The following LPP variants were observed in gnomAD, a reference collection of about 807,000 sequenced individuals.
LPP encodes lipoma-preferred partner.
A neutral mutation model predicts 60.4 loss-of-function variants in LPP; 38 were observed. The observed-to-expected ratio is 0.63, with a 90% CI of 0.49 to 0.83. LPP has a LOEUF of 0.83. LPP is among the 40% of genes least tolerant of loss of function. The pLI is 0.00. For missense variants in LPP, 902 were observed against 783.6 expected (o/e 1.15, Z -1.80); for synonymous variants, 328 against 290.8 (o/e 1.13, Z -1.30).
chr3:188,778,193 C>G (rs1344577954), intron 9 of LPP, among the ~76,000 whole-genome samples: 1 of 152,108 alleles, frequency 6.6e-6, no homozygotes, highest in Non-Finnish European at 1.5e-5. Flanking sequence ...CCCATGTTTT[C>G]AAAATAATGG....
At position 188,889,328 on chromosome 3, in the gene LPP, A is replaced by T. The variant is rs1771010266; in HGVS notation, c.*14849A>T. On this transcript the variant is annotated 3_prime_UTR_variant, in exon 12 of 12. Coordinates refer to ENST00000617246, the MANE Select transcript of LPP (RefSeq NM_001375462.1). ...CAGAGGTGGCAATAGGAGAGGGTCC[A>T]TGTAAATAGGACGAGGTAGACAGTG... is the stretch of plus-strand genomic sequence containing the variant. 1 of 231,840 alleles carries T rather than the reference A, an allele frequency of 4.3e-6. No homozygotes were observed. The highest frequency in any genetic ancestry group is 2.2e-5 in the African/African-American group (1 of 45,284). 14.4% of individuals were successfully genotyped at this position (231,840 alleles called of 1,614,324 possible).
At chr3:188,771,218 A>G (rs1244878994) in intron 9 of LPP, among the ~76,000 whole-genome samples, 1 of 152,108 alleles carries the variant, frequency 6.6e-6, no homozygotes. Flanking sequence ...TCATAAAAGG[A>G]ATGAATTCAT....
At position 188,811,393 on chromosome 3, in the gene LPP, C is replaced by T. The variant is rs6790849; in HGVS notation, c.1410+51111C>T. ...ACACACACACACACACACGCACACA[C>T]GCTCAAAGAGTAGGGAGAGAAAAAT... is the stretch of plus-strand genomic sequence containing the variant. On this transcript the variant is annotated intron_variant, in intron 9 of 11. Coordinates refer to ENST00000617246, the MANE Select transcript of LPP (RefSeq NM_001375462.1). Among the ~76,000 whole-genome samples the T allele has an allele frequency of 7.2e-3, 1,086 of 151,650 alleles. 11 individuals carry two copies. The highest frequency in any genetic ancestry group is 0.023 in the African/African-American group (929 of 41,286).
intron 5 of LPP, among the ~76,000 whole-genome samples, chr3:188,493,137 G>A (rs1362483716): frequency 6.6e-6 from 1 of 152,004 alleles, no homozygotes; most frequent in Non-Finnish European, 1.5e-5. Flanking sequence ...CTGAGTCTTT[G>A]TATATCTAAA....
chr3:188,269,643 T>TTGTGTGTGTGTGTGTG (rs67333120), intron 2 of LPP, among the ~76,000 whole-genome samples: 1 of 134,376 alleles, frequency 7.4e-6, no homozygotes, highest in African/African-American at 3.2e-5. Flanking sequence ...GCCTTTTTTT[T>TTGTGTGTGTGTGTGTG]TATGTGTGTG....
At chr3:188,169,789 G>C (rs16863064) in intron 1 of LPP, among the ~76,000 whole-genome samples, 41,142 of 152,138 alleles carry the variant, frequency 0.27, 7,139 homozygotes, top group South Asian at 0.45. Context: ...CCCTGGCCAC[G>C]AACCTCCCAC....
At chr3:188,792,004 C>T (rs938064197) in intron 9 of LPP, among the ~76,000 whole-genome samples, 1 of 152,060 alleles carries the variant, frequency 6.6e-6, no homozygotes, top group Non-Finnish European at 1.5e-5. Flanking sequence ...AGTGAGTAAG[C>T]GCCTAAGACA....
At chr3:188,467,105 C>G (rs1282818531) in intron 4 of LPP, among the ~76,000 whole-genome samples, 1 of 151,400 alleles carries the variant, frequency 6.6e-6, no homozygotes, top group Non-Finnish European at 1.5e-5. Context: ...TAAAATGGAC[C>G]TAAGAAAAGC....
At chr3:188,279,355 C>A (rs941524349) in intron 2 of LPP, among the ~76,000 whole-genome samples, 1 of 152,168 alleles carries the variant, frequency 6.6e-6, no homozygotes, top group Non-Finnish European at 1.5e-5. Flanking sequence ...TCCCTTTAGA[C>A]CCCCCATTGT....
chr3:188,855,851 C>T (rs1402498882), intron 9 of LPP, among the ~76,000 whole-genome samples: 4 of 152,272 alleles, frequency 2.6e-5, no homozygotes, highest in East Asian at 1.9e-4. Flanking sequence ...TGGTGGCTGA[C>T]GTTGGCAAGA....
intron 7 of LPP, chr3:188,689,006 A>C: frequency 2.3e-6 from 1 of 434,468 alleles, no homozygotes; most frequent in Non-Finnish European, 4.5e-6. Context: ...GGGAAAGATT[A>C]AACGAGAAAA....
At chr3:188,681,881 C>T (rs1859604727) in intron 7 of LPP, among the ~76,000 whole-genome samples, 1 of 152,210 alleles carries the variant, frequency 6.6e-6, no homozygotes, top group African/African-American at 2.4e-5. Context: ...CTCACACATA[C>T]AGCAGCCCCA....
At chr3:188,859,604 T>C (rs769921613) in intron 9 of LPP, among the ~76,000 whole-genome samples, 2 of 152,212 alleles carry the variant, frequency 1.3e-5, no homozygotes, top group African/African-American at 2.4e-5. Context: ...TTCCATTCTT[T>C]AGGCTTTCTG....
chr3:188,512,495 T>G (rs1384388979), intron 5 of LPP, among the ~76,000 whole-genome samples: 1 of 151,560 alleles, frequency 6.6e-6, no homozygotes. Flanking sequence ...GAGGTTTCAA[T>G]GAGCCAAGGT....
At chr3:188,755,455 A>G (rs977894307) in intron 8 of LPP, among the ~76,000 whole-genome samples, 1 of 152,128 alleles carries the variant, frequency 6.6e-6, no homozygotes, top group Non-Finnish European at 1.5e-5. Flanking sequence ...TTAAATAAAA[A>G]GTTTATTTTG....
At chr3:188,642,443 C>A (rs1011018532) in intron 7 of LPP, among the ~76,000 whole-genome samples, 1 of 152,166 alleles carries the variant, frequency 6.6e-6, no homozygotes, top group Non-Finnish European at 1.5e-5. Context: ...CACACAGTGC[C>A]GGACTAAGAA....
chr3:188,724,827 T>A (rs1231462853), intron 8 of LPP, among the ~76,000 whole-genome samples: 3 of 152,100 alleles, frequency 2.0e-5, no homozygotes, highest in Admixed American at 2.0e-4. Flanking sequence ...AGTCTAGTGA[T>A]GTGTAGAAAA....
intron 2 of LPP, among the ~76,000 whole-genome samples, chr3:188,278,841 C>T (rs1222493491): frequency 6.6e-6 from 1 of 152,118 alleles, no homozygotes; most frequent in Non-Finnish European, 1.5e-5. Context: ...CACGCCAAAG[C>T]CTAGCCCACT....
At chr3:188,595,323 A>T (rs1839780832) in intron 6 of LPP, among the ~76,000 whole-genome samples, 1 of 152,192 alleles carries the variant, frequency 6.6e-6, no homozygotes, top group Admixed American at 6.6e-5. Context: ...GGAAAGAAGA[A>T]TAATAAACTA....
Sources: gnomAD v4.1 joint callset for allele counts (sites outside exome capture counted in the v4.1 genomes callset) on GRCh38, gnomAD v4.1.1 for gene constraint, MANE v1.5 for transcripts, NCBI Gene and HGNC (gene_info 2026-07-23, HGNC 2026-07-21) for gene names.